Variants in SDK1 observed in about 807,000 individuals in gnomAD.
The protein encoded by SDK1 is protein sidekick-1.
A neutral mutation model predicts 245.5 loss-of-function variants in SDK1; 157 were observed. The observed-to-expected ratio is 0.64, with a 90% confidence interval of 0.56 to 0.73. The LOEUF is 0.73. Among genes scored for constraint, SDK1 ranks in the 30% least tolerant of loss-of-function variants. The probability of loss-of-function intolerance (pLI) is 0.00; values close to 1 mark genes in which losing one functional copy is unlikely to be tolerated. For missense variants in SDK1, 3,583 were observed against 3,002.3 expected, an observed-to-expected ratio of 1.19 and a Z score of -4.52; for synonymous variants, 1,647 against 1,278.5, an observed-to-expected ratio of 1.29 and a Z score of -6.15.
At chr7:3,883,821 A>G (rs987994838) in intron 5 of SDK1, among the ~76,000 whole-genome samples, 3 of 151,766 alleles carry the variant, frequency 2.0e-5, no homozygotes, top group South Asian at 2.1e-4. Flanking sequence ...ATTTTGGCCT[A>G]AATGACTTGG....
intron 5 of SDK1, among the ~76,000 whole-genome samples, chr7:3,938,200 C>G (rs971076635): frequency 6.6e-6 from 1 of 152,152 alleles, no homozygotes; most frequent in African/African-American, 2.4e-5. Context: ...TTCTCAGCAA[C>G]TTTAGAATTC....
At chr7:3,410,235 C>T (rs185040099) in intron 1 of SDK1, among the ~76,000 whole-genome samples, 15 of 152,264 alleles carry the variant, frequency 9.9e-5, no homozygotes, top group African/African-American at 3.4e-4. Context: ...GAAAATTCTA[C>T]ACCTGACCTC....
At chr7:4,175,871 G>C in intron 34 of SDK1, 37 bp downstream of exon 34, 1 of 1,581,730 alleles carries the variant, frequency 6.3e-7, no homozygotes, top group Non-Finnish European at 8.7e-7. Flanking sequence ...ATGCCGCGAG[G>C]CGCACACACT....
intron 1 of SDK1, among the ~76,000 whole-genome samples, chr7:3,471,900 T>G (rs564093457): frequency 5.3e-5 from 8 of 152,326 alleles, no homozygotes; most frequent in Admixed American, 2.6e-4. Context: ...TTGCATTTGA[T>G]TTTGAGGAAA....
intron 1 of SDK1, among the ~76,000 whole-genome samples, chr7:3,468,416 G>A (rs926732298): frequency 2.0e-5 from 3 of 151,734 alleles, no homozygotes; most frequent in Non-Finnish European, 2.9e-5. Flanking sequence ...ATTCTCCCCC[G>A]AATCTACCCA....
At chr7:3,456,002 T>C (rs185413281) in intron 1 of SDK1, among the ~76,000 whole-genome samples, 2 of 152,220 alleles carry the variant, frequency 1.3e-5, no homozygotes, top group Non-Finnish European at 2.9e-5. Flanking sequence ...ATTTCACTGA[T>C]GTAGAATTCA....
At chr7:3,387,869 A>G (rs906302870) in intron 1 of SDK1, among the ~76,000 whole-genome samples, 5 of 152,212 alleles carry the variant, frequency 3.3e-5, no homozygotes, top group Admixed American at 3.3e-4. Flanking sequence ...CCTCACAACA[A>G]CCCTGTTAAG....
intron 1 of SDK1, among the ~76,000 whole-genome samples, chr7:3,479,542 G>A (rs1781449260): frequency 6.6e-6 from 1 of 151,028 alleles, no homozygotes; most frequent in African/African-American, 2.4e-5. Flanking sequence ...TTTTTGCTCT[G>A]ATTAGCAATT....
intron 5 of SDK1, among the ~76,000 whole-genome samples, chr7:3,851,698 T>C (rs927007988): frequency 3.3e-5 from 5 of 152,160 alleles, no homozygotes; most frequent in African/African-American, 1.2e-4. Context: ...TTCAGTAATT[T>C]TACACAGTCC....
chr7:3,356,585 T>C (rs6971307), intron 1 of SDK1, among the ~76,000 whole-genome samples: 90,303 of 152,068 alleles, frequency 0.59, 27,865 homozygotes, highest in African/African-American at 0.77. Context: ...CTGAAGATAA[T>C]TTTATCTGAC....
At chr7:4,258,755 A>G (rs1430552424) in intron 44 of SDK1, among the ~76,000 whole-genome samples, 1 of 152,164 alleles carries the variant, frequency 6.6e-6, no homozygotes, top group Admixed American at 6.5e-5. Flanking sequence ...GGGAAGTTGA[A>G]TGGGGAAGAC....
chr7:3,859,188 G>A (rs1010654157), intron 5 of SDK1, among the ~76,000 whole-genome samples: 2 of 152,080 alleles, frequency 1.3e-5, no homozygotes, highest in Non-Finnish European at 2.9e-5. Context: ...TCAAGATTTT[G>A]TGGGTCATGA....
chr7:3,691,329 C>T (rs1171359933), intron 4 of SDK1, among the ~76,000 whole-genome samples: 4 of 152,130 alleles, frequency 2.6e-5, no homozygotes, highest in African/African-American at 7.2e-5. Flanking sequence ...GGCTCTTACT[C>T]GAAGTACAAG....
intron 5 of SDK1, among the ~76,000 whole-genome samples, chr7:3,838,378 G>A (rs1358189071): frequency 1.3e-5 from 2 of 152,204 alleles, no homozygotes; most frequent in Non-Finnish European, 2.9e-5. Flanking sequence ...ACACATCAGT[G>A]GGAATTGGAA....
intron 14 of SDK1, among the ~76,000 whole-genome samples, chr7:4,005,846 C>T (rs1422272200): frequency 6.6e-6 from 1 of 152,148 alleles, no homozygotes; most frequent in African/African-American, 2.4e-5. Context: ...GCCTGAGCCA[C>T]GTGGCGAAAT....
At chr7:4,064,175 A>G (rs1377020590) in intron 19 of SDK1, among the ~76,000 whole-genome samples, 1 of 152,214 alleles carries the variant, frequency 6.6e-6, no homozygotes, top group African/African-American at 2.4e-5. Flanking sequence ...TTTGCAAACT[A>G]TTCATCTGGT....
chr7:3,591,029 C>T (rs1441906516), intron 1 of SDK1, among the ~76,000 whole-genome samples: 1 of 151,990 alleles, frequency 6.6e-6, no homozygotes, highest in Non-Finnish European at 1.5e-5. Context: ...CCCAGGAGAT[C>T]CTAATGTGCA....
At chr7:3,608,103 G>T (rs1022502127) in intron 1 of SDK1, among the ~76,000 whole-genome samples, 2 of 152,150 alleles carry the variant, frequency 1.3e-5, no homozygotes, top group Admixed American at 1.3e-4. Context: ...TACACCAGCT[G>T]GTGTGTTACT....
At position 3,743,726 on chromosome 7, in the gene SDK1, A is replaced by G. The variant is rs76814775; in HGVS notation, c.714-77724A>G. Among the ~76,000 whole-genome samples the G allele has an allele frequency of 4.1e-3, 621 of 152,292 alleles. 5 individuals are homozygous for G. The highest frequency in any genetic ancestry group is 0.015 in the African/African-American group (606 of 41,562). On this transcript the variant is annotated intron_variant, in intron 4 of 44. Coordinates refer to ENST00000404826, the MANE Select transcript of SDK1 (RefSeq NM_152744.4). ...GATGTCGGAGGAGGAGGAAGAGGGTATATATCACCACTGTGTGTACGAAAA... is the reference window on the plus strand; with the variant it reads ...GATGTCGGAGGAGGAGGAAGAGGGTGTATATCACCACTGTGTGTACGAAAA...
Sources: gnomAD v4.1 joint callset for allele counts (sites outside exome capture counted in the v4.1 genomes callset) on GRCh38, gnomAD v4.1.1 for gene constraint, MANE v1.5 for transcripts, NCBI Gene and HGNC (gene_info 2026-07-23, HGNC 2026-07-21) for gene names.